PUS3: variants seen among roughly 807,000 people sequenced by gnomAD.
PUS3 encodes the protein pseudouridine synthase 3.
PUS3 carries 36 observed loss-of-function variants against 43.3 expected under a neutral mutation model. That is an observed-to-expected ratio of 0.83 (90% CI 0.64 to 1.10). The LOEUF is 1.10. PUS3 is among the 50% of genes least tolerant of loss of function. PUS3 has a pLI of 0.00. For missense variants in PUS3, 544 were observed against 589.9 expected (o/e 0.92, Z 0.81); for synonymous variants, 183 against 199.2 (o/e 0.92, Z 0.69).
chr11:125,900,189 C>T (rs1207763993), intron 1 of PUS3: 1 of 1,614,200 alleles, frequency 6.2e-7, no homozygotes. Flanking sequence ...AAAAGGTCTG[C>T]ACTCCGTTGG....
At chr11:125,896,631 T>G (rs1225321531) in intron 1 of PUS3, among the ~76,000 whole-genome samples, 1 of 152,250 alleles carries the variant, frequency 6.6e-6, no homozygotes, top group Non-Finnish European at 1.5e-5. Flanking sequence ...CTGAATTGAT[T>G]GAGGACTGAT....
At position 125,895,762 on chromosome 11, in the gene PUS3, A is replaced by G; in HGVS notation, c.406T>C (p.Phe136Leu). The G allele has an allele frequency of 1.2e-6, 2 of 1,604,900 alleles. No individual in the cohort carries two copies. The highest frequency in any genetic ancestry group is 1.7e-6 in the Non-Finnish European group (2 of 1,177,564). The part of the protein sequence containing the change: ...QVISLDLRSQ[F>L]PRGRDSEDFN... ...TCCTCGGAATCCCTGCCCCTTGGAA[A>G]CTGAGAGCGAAGGTCAAGTGAGATC... The change falls in exon 3 of 4, where the codon TTT (phenylalanine) becomes CTT (leucine). Residue 136 changes from phenylalanine to leucine, a missense_variant. Physicochemically the swap from Phe to Leu is conservative, Grantham distance 22 (BLOSUM62 0). Coordinates refer to ENST00000227474, the MANE Select transcript of PUS3 (RefSeq NM_031307.4).
chr11:125,902,832 A>G (rs1944815547), intron 1 of PUS3, among the ~76,000 whole-genome samples: 1 of 151,958 alleles, frequency 6.6e-6, no homozygotes, highest in Non-Finnish European at 1.5e-5. Flanking sequence ...TGGGTTCTCA[A>G]CTTCTACTGT....
chr11:125,894,094 T>A lies in PUS3; in HGVS notation c.1137A>T (p.Gly379=). 1.2e-6 allele frequency: 2 copies of A among 1,614,156 alleles called. No individual in the cohort carries two copies. The highest frequency in any genetic ancestry group is 1.7e-6 in the Non-Finnish European group (2 of 1,180,006). The part of the protein sequence containing the change: ...LDTVPVPCGI[G]PKMDGMTEWG... The stretch of plus-strand genomic sequence containing the variant: ...ATTCTGTCATTCCATCCATCTTTGG[T>A]CCTATTCCACAGGGTACTGGAACAG... The change falls in exon 4 of 4, where the codon GGA becomes GGT. Residue 379 remains glycine (G), a synonymous_variant. Transcript: ENST00000227474.
Position 125,895,363 on chromosome 11 carries a change from C to T in PUS3, c.805G>A (p.Val269Met). 1 of 1,614,214 alleles carries T rather than the reference C, an allele frequency of 6.2e-7. No homozygotes were observed. Among genetic ancestry groups the T allele is most frequent in the Non-Finnish European group, 8.5e-7 (1 of 1,180,042 alleles). The part of the protein sequence containing the change: ...QEPFQLCQFE[V>M]TGQAFLYHQV... Reference sequence around the variant, plus strand: ...TGATAAAGGAATGCCTGGCCAGTCACTTCAAACTGACATAACTGGAAAGGT... The same window carrying T: ...TGATAAAGGAATGCCTGGCCAGTCATTTCAAACTGACATAACTGGAAAGGT... Residue 269 changes from valine (V) to methionine (M), a missense_variant, in exon 3 of 4, where the codon GTG becomes ATG. Coordinates refer to ENST00000227474, the MANE Select transcript of PUS3 (RefSeq NM_031307.4).
chr11:125,903,004 G>A (rs151042485), intron 1 of PUS3, among the ~76,000 whole-genome samples, 166 bp downstream of exon 1: 58 of 150,748 alleles, frequency 3.8e-4, no homozygotes, highest in South Asian at 1.9e-3. Flanking sequence ...AAAATACATG[G>A]TCTTAAGCGA....
Position 125,895,374 on chromosome 11 carries a change from C to A in PUS3, c.794G>T (p.Cys265Phe), listed in dbSNP as rs1944549721. The A allele has an allele frequency of 6.2e-7, 1 of 1,614,094 alleles. No homozygotes were observed. Among genetic ancestry groups the A allele is most frequent in the Non-Finnish European group, 8.5e-7 (1 of 1,180,038 alleles). The change falls in exon 3 of 4, where the codon TGT becomes TTT. Residue 265 changes from cysteine to phenylalanine, a missense_variant. By Grantham distance (205) the Cys-to-Phe change is radical. Coordinates refer to ENST00000227474, the MANE Select transcript of PUS3 (RefSeq NM_031307.4). Reference sequence around the variant, plus strand: ...TGCCTGGCCAGTCACTTCAAACTGACATAACTGGAAAGGTTCTTGCCATCT... The same window carrying A: ...TGCCTGGCCAGTCACTTCAAACTGAAATAACTGGAAAGGTTCTTGCCATCT... Reference protein sequence around the residue: ...EGRWQEPFQLCQFEVTGQAFL... With the variant: ...EGRWQEPFQLFQFEVTGQAFL...
Position 125,896,052 on chromosome 11 carries a change from C to T in PUS3, c.233G>A (p.Gly78Asp). 6.2e-7 allele frequency: 1 copy of T among 1,614,102 alleles called. No homozygotes were observed. The change falls in exon 2 of 4, where the codon GGC (glycine) becomes GAC (aspartate). Residue 78 changes from glycine (G) to aspartate (D), a missense_variant. Transcript: ENST00000227474. ...RIAYMGWGYQGFASQENTNNT... is the reference protein window; with the variant it reads ...RIAYMGWGYQDFASQENTNNT... ...ATTTGTGTTTTCCTGACTAGCAAAGCCCTGGTATCCCCAGCCCATATAGGC... is the reference window on the plus strand; with the variant it reads ...ATTTGTGTTTTCCTGACTAGCAAAGTCCTGGTATCCCCAGCCCATATAGGC...
chr11:125,895,007 T>G (rs1208784173), intron 3 of PUS3, among the ~76,000 whole-genome samples: 1 of 152,108 alleles, frequency 6.6e-6, no homozygotes, highest in Non-Finnish European at 1.5e-5. Flanking sequence ...AATCAGTGAC[T>G]TCGTTATTTA....
At chr11:125,900,595 T>TA (rs1284022590) in intron 1 of PUS3, 1 of 337,824 alleles carries the variant, frequency 3.0e-6, no homozygotes, top group East Asian at 8.2e-5. Context: ...CAGTGTGTGT[T>TA]TTTTAAGTTG....
At chr11:125,897,457 A>G (rs570015566) in intron 1 of PUS3, among the ~76,000 whole-genome samples, 43 of 151,908 alleles carry the variant, frequency 2.8e-4, no homozygotes, top group Non-Finnish European at 5.1e-4. Context: ...AAAATAAGTG[A>G]TGGTAAAGTG....
chr11:125,901,608 T>G (rs945537128), intron 1 of PUS3, among the ~76,000 whole-genome samples: 1 of 152,222 alleles, frequency 6.6e-6, no homozygotes, highest in African/African-American at 2.4e-5. Flanking sequence ...TCATTTTCCC[T>G]GTAACATTTA....
chr11:125,893,805 C>T lies in PUS3; in HGVS notation c.1426G>A (p.Glu476Lys), dbSNP rs1253978014. Residue 476 changes from glutamate (E) to lysine (K), a missense_variant, in exon 4 of 4, where the codon GAA becomes AAA. By Grantham distance (56) the Glu-to-Lys change is moderately conservative. Transcript: ENST00000227474. ...TATGGTTAAATGATGCTTTTAATTT[C>T]TGTGTCAACACAGACCCTCTTCGTT... Reference protein sequence around the residue: ...TPTKRVCVDTEIKSII With the variant: ...TPTKRVCVDTKIKSII 1 of 1,607,296 alleles carries T rather than the reference C, an allele frequency of 6.2e-7. No individual in the cohort carries two copies. The highest frequency in any genetic ancestry group is 1.3e-5 in the African/African-American group (1 of 74,272).
At chr11:125,894,506 A>T (rs1944515584) in intron 3 of PUS3, among the ~76,000 whole-genome samples, 1 of 152,208 alleles carries the variant, frequency 6.6e-6, no homozygotes, top group Non-Finnish European at 1.5e-5. Flanking sequence ...GATCTATGTA[A>T]GGTAAATGTC....
rs1389494155 is a variant in PUS3, at chr11:125,896,196, T to A, written c.89A>T (p.Lys30Met). The change falls in exon 2 of 4, where the codon AAG (lysine) becomes ATG (methionine). Residue 30 changes from lysine to methionine, a missense_variant. Physicochemically the swap from Lys to Met is moderately conservative, Grantham distance 95. Transcript: ENST00000227474. The part of the protein sequence containing the change: ...ELEQEVQRLK[K>M]EQAKNKEDSN... The stretch of plus-strand genomic sequence containing the variant: ...GTCCTCCTTATTTTTGGCCTGTTCC[T>A]TTTTAAGTCTTTGCACCTCTTGCTC... 6.2e-7 allele frequency: 1 copy of A among 1,614,194 alleles called. No homozygotes were observed. The highest frequency in any genetic ancestry group is 8.5e-7 in the Non-Finnish European group (1 of 1,180,012).
chr11:125,901,032 G>T (rs1246916540), intron 1 of PUS3, among the ~76,000 whole-genome samples: 2 of 146,500 alleles, frequency 1.4e-5, no homozygotes, highest in Non-Finnish European at 3.0e-5. Flanking sequence ...AAAAAAGAAG[G>T]AACAAAAACC....
intron 1 of PUS3, chr11:125,900,326 C>A (rs1944732842): frequency 2.0e-6 from 3 of 1,514,280 alleles, no homozygotes; most frequent in African/African-American, 2.7e-5. Context: ...TTATATCTTC[C>A]CTTTTAAATA....
rs368785657 is a variant in PUS3 at position 125,895,252 on chromosome 11, C to G, written c.916G>C (p.Glu306Gln). The G allele has an allele frequency of 2.5e-6, 4 of 1,591,872 alleles. No individual in the cohort carries two copies. In the African/African-American group the frequency reaches 4.1e-5, roughly 16 times the overall value. The change falls in exon 3 of 4, where the codon GAG becomes CAG. Residue 306 changes from glutamate (E) to glutamine (Q), a missense_variant. Physicochemically the swap from Glu to Gln is conservative, Grantham distance 29. Coordinates refer to ENST00000227474, the MANE Select transcript of PUS3 (RefSeq NM_031307.4). ...PEIIDELLNI[E>Q]KNPQKPQYSM... ...TATTGAGGCTTTTGGGGATTTTTCT[C>G]TATATTCAGCAGCTCATCAATAATC...
intron 1 of PUS3, 52 bp downstream of exon 1, chr11:125,903,118 C>T (rs1944821675): frequency 6.7e-5 from 59 of 874,896 alleles, no homozygotes; most frequent in Non-Finnish European, 7.7e-5. Flanking sequence ...TCCATTTGTC[C>T]CTTCCCCTGT....
Sources: gnomAD v4.1 joint callset for allele counts (sites outside exome capture counted in the v4.1 genomes callset) on GRCh38, gnomAD v4.1.1 for gene constraint, MANE v1.5 for transcripts, NCBI Gene and HGNC (gene_info 2026-07-23, HGNC 2026-07-21) for gene names.